Variants in ARID5B observed in about 807,000 individuals in gnomAD.
ARID5B encodes the protein AT-rich interactive domain-containing protein 5B.
A neutral mutation model predicts 97.2 loss-of-function variants in ARID5B; 13 were observed. The ratio of observed to expected loss-of-function variants is 0.13; its 90% CI spans 0.09 to 0.21. The LOEUF (loss-of-function observed/expected upper bound fraction) is 0.21. ARID5B is among the 10% of genes least tolerant of loss of function. The pLI, the probability that ARID5B is intolerant of heterozygous loss-of-function variation, is 1.00. For missense variants in ARID5B, 1,210 were observed against 1,465.3 expected (o/e 0.83, Z 2.84); for synonymous variants, 556 against 570.3 (o/e 0.97, Z 0.36).
At chr10:61,984,548 G>A (rs531541578) in intron 3 of ARID5B, among the ~76,000 whole-genome samples, 10 of 152,304 alleles carry the variant, frequency 6.6e-5, no homozygotes, top group African/African-American at 2.2e-4. Flanking sequence ...TGCTCATGTG[G>A]AGGCAGCAGG....
intron 4 of ARID5B, among the ~76,000 whole-genome samples, chr10:62,001,242 A>G (rs1564624599): frequency 6.6e-6 from 1 of 151,982 alleles, no homozygotes. Context: ...TGTTCCTGGG[A>G]ATTTCTATAC....
At chr10:61,943,753 A>AT (rs1844455211) in intron 3 of ARID5B, among the ~76,000 whole-genome samples, 1 of 151,940 alleles carries the variant, frequency 6.6e-6, no homozygotes, top group Non-Finnish European at 1.5e-5. Context: ...AAAAAAAAAA[A>AT]CAAGAATGTT....
intron 4 of ARID5B, among the ~76,000 whole-genome samples, chr10:62,011,235 C>A (rs913914148): frequency 6.6e-6 from 1 of 152,150 alleles, no homozygotes; most frequent in East Asian, 1.9e-4. Context: ...GAGATCAAAT[C>A]TTTTAACAAG....
intron 3 of ARID5B, among the ~76,000 whole-genome samples, chr10:61,982,351 T>G (rs1161003431): frequency 6.6e-6 from 1 of 152,210 alleles, no homozygotes; most frequent in Non-Finnish European, 1.5e-5. Flanking sequence ...TTGGCCTCCT[T>G]CTTGTCAAGA....
intron 3 of ARID5B, among the ~76,000 whole-genome samples, chr10:61,992,687 C>A (rs988651538): frequency 6.6e-6 from 1 of 152,124 alleles, no homozygotes; most frequent in African/African-American, 2.4e-5. Context: ...AAATGGCAAG[C>A]TGGGGACCAT....
rs140085390 is a variant in ARID5B, at chr10:62,091,990, C to T, written c.2527C>T (p.His843Tyr). Residue 843 changes from histidine (H) to tyrosine (Y), a missense_variant, in exon 10 of 10, where the codon CAC becomes TAC. By Grantham distance (83) the His-to-Tyr change is moderately conservative. Around this residue, in one of 8 missense-constraint regions of ARID5B, gnomAD observed 800 missense variants for 839.1 expected, o/e 0.95. Coordinates refer to ENST00000279873, the MANE Select transcript of ARID5B (RefSeq NM_032199.3). ...SSPHLHSLYRHTEHHLHNEQT... is the reference protein window; with the variant it reads ...SSPHLHSLYRYTEHHLHNEQT... ...CCCTCATCTCCATAGCCTCTACAGA[C>T]ACACCGAGCACCATCTTCATAATGA... 3 of 1,613,864 alleles carry T rather than the reference C, an allele frequency of 1.9e-6. No individual in the cohort carries two copies. The highest frequency in any genetic ancestry group is 2.5e-6 in the Non-Finnish European group (3 of 1,179,980).
chr10:62,055,602 G>A (rs901172910), intron 5 of ARID5B, among the ~76,000 whole-genome samples: 3 of 152,080 alleles, frequency 2.0e-5, no homozygotes, highest in Admixed American at 2.0e-4. Context: ...AAAGTTTCAC[G>A]GGATGTTCGC....
chr10:61,928,913 G>A (rs2893881), intron 2 of ARID5B, among the ~76,000 whole-genome samples: 122,735 of 152,100 alleles, frequency 0.81, 49,727 homozygotes, highest in Non-Finnish European at 0.85. Flanking sequence ...AAACTGGTAG[G>A]TACCTCAAAT....
intron 7 of ARID5B, among the ~76,000 whole-genome samples, chr10:62,063,472 T>A (rs1839948055): frequency 6.6e-6 from 1 of 151,920 alleles, no homozygotes; most frequent in Non-Finnish European, 1.5e-5. Context: ...GGATTATGGA[T>A]TATTTCATTT....
At chr10:61,920,445 G>A (rs58186147) in intron 2 of ARID5B, among the ~76,000 whole-genome samples, 240 of 151,844 alleles carry the variant, frequency 1.6e-3, no homozygotes, top group African/African-American at 5.2e-3. Context: ...TGCTCCTCAG[G>A]CCTCAGCCTC....
rs747795902 is a variant in ARID5B, at chr10:62,091,082, C to T, written c.1619C>T (p.Pro540Leu). ...GAGGCGGGAGAGAAGGGGCCCACAC[C>T]TCCACTCCCAAGTGCTCCTCTGGCC... ...AEEAGEKGPTPPLPSAPLAPE... is the reference protein window; with the variant it reads ...AEEAGEKGPTLPLPSAPLAPE... The change falls in exon 10 of 10, where the codon CCT becomes CTT. Residue 540 changes from proline (P) to leucine (L), a missense_variant. Pro to Leu is a moderately conservative substitution (Grantham distance 98). This residue lies in a region of ARID5B where 800 missense variants were observed against 839.1 expected (regional missense o/e 0.95). Transcript: ENST00000279873. 2 of 1,613,988 alleles carry T rather than the reference C, an allele frequency of 1.2e-6. No individual in the cohort carries two copies. Among genetic ancestry groups the T allele is most frequent in the Non-Finnish European group, 1.7e-6 (2 of 1,179,958 alleles).
chr10:61,976,459 C>A (rs1481432989), intron 3 of ARID5B, among the ~76,000 whole-genome samples: 1 of 152,072 alleles, frequency 6.6e-6, no homozygotes, highest in East Asian at 1.9e-4. Flanking sequence ...TATATTTGCT[C>A]CCTAATGAAG....
chr10:61,992,127 C>G (rs1417968641), intron 3 of ARID5B, among the ~76,000 whole-genome samples: 3 of 152,304 alleles, frequency 2.0e-5, no homozygotes, highest in Admixed American at 6.5e-5. Context: ...AGAATAACAC[C>G]TCATATGTGG....
chr10:62,081,939 A>G (rs946315789), intron 8 of ARID5B, among the ~76,000 whole-genome samples: 16 of 152,216 alleles, frequency 1.1e-4, no homozygotes, highest in Non-Finnish European at 1.9e-4. Context: ...CTCAGATGCT[A>G]ACAAATCAAG....
chr10:61,923,336 G>A (rs899083898), intron 2 of ARID5B, among the ~76,000 whole-genome samples: 4 of 152,020 alleles, frequency 2.6e-5, no homozygotes, highest in Non-Finnish European at 5.9e-5. Context: ...AGTCATCCCC[G>A]CTTCCACCCC....
rs1162204495 is a variant in ARID5B at position 62,093,351 on chromosome 10, C to T, written c.*321C>T. On this transcript the variant is annotated 3_prime_UTR_variant, in exon 10 of 10. Coordinates refer to ENST00000279873, the MANE Select transcript of ARID5B (RefSeq NM_032199.3). ...GAACTTAGAGGACCCCATCTGAGTT[C>T]GGATGGTCAGGAAACAATCTGGGCA... 11 of 295,596 alleles carry T rather than the reference C, an allele frequency of 3.7e-5. No individual in the cohort carries two copies. Among genetic ancestry groups the T allele is most frequent in the Admixed American group, 9.7e-5 (2 of 20,712 alleles). 18.3% of individuals were successfully genotyped at this position (295,596 alleles called of 1,614,324 possible). A position where few individuals can be genotyped will look rare whatever the true frequency, so the allele number is the denominator to read the frequency against.
intron 2 of ARID5B, among the ~76,000 whole-genome samples, chr10:61,916,730 A>G (rs1011838231): frequency 6.6e-6 from 1 of 152,180 alleles, no homozygotes; most frequent in Non-Finnish European, 1.5e-5. Context: ...GGAAACGGGA[A>G]GTATAAGAAA....
At position 62,095,154 on chromosome 10, in the gene ARID5B, T is replaced by A. The variant is rs1840449366; in HGVS notation, c.*2124T>A. On this transcript the variant is annotated 3_prime_UTR_variant, in exon 10 of 10. Coordinates refer to ENST00000279873, the MANE Select transcript of ARID5B (RefSeq NM_032199.3). ...CATAGATAGACTAGTAGAATTTAGA[T>A]TATAAATGTGTGAGTGCAGATTATC... 1 of 232,234 alleles carries A rather than the reference T, an allele frequency of 4.3e-6. No homozygotes were observed. Among genetic ancestry groups the A allele is most frequent in the South Asian group, 1.8e-4 (1 of 5,528 alleles). The allele number at this position is 232,234 out of a possible 1,614,324, so 14.4% of individuals were successfully genotyped here.
chr10:61,970,849 A>G (rs1262376200), intron 3 of ARID5B, among the ~76,000 whole-genome samples: 2 of 152,206 alleles, frequency 1.3e-5, no homozygotes, highest in African/African-American at 4.8e-5. Context: ...AAGAAGGTAG[A>G]ACTTATTTTT....
Sources: gnomAD v4.1 joint callset for allele counts (sites outside exome capture counted in the v4.1 genomes callset) on GRCh38, gnomAD v4.1.1 for gene constraint, gnomAD v4.1.1 regional missense constraint, MANE v1.5 for transcripts, NCBI Gene and HGNC (gene_info 2026-07-23, HGNC 2026-07-21) for gene names.